Variants in TCIM observed in about 807,000 individuals in gnomAD.
TCIM encodes human thyroid cancer 1.
Under a neutral mutation model 7.0 loss-of-function variants are expected in TCIM, and 5 were observed. The ratio of observed to expected loss-of-function variants is 0.71; its 90% CI spans 0.37 to 1.50. TCIM has a LOEUF of 1.50. TCIM is among the 40% of genes most tolerant of loss of function. The probability of loss-of-function intolerance (pLI) is 0.03; values close to 1 mark genes in which losing one functional copy is unlikely to be tolerated. For missense variants in TCIM, 137 were observed against 129.7 expected (o/e 1.06, Z -0.27); for synonymous variants, 66 against 50.3 (o/e 1.31, Z -1.32).
rs759479875 is a variant in TCIM, at chr8:40,153,701, G to C, written c.169G>C (p.Asp57His). The C allele has an allele frequency of 1.2e-6, 2 of 1,614,128 alleles. No homozygotes were observed. Among genetic ancestry groups the C allele is most frequent in the South Asian group, 1.1e-5 (1 of 91,082 alleles). ...SLERLFRNSG[D>H]KKAEERAKII... is the part of the protein sequence containing the mutation. ...AGAAAGGCTCTTCAGAAACTCTGGA[G>C]ACAAGAAAGCAGAGGAGAGAGCCAA... The change falls in exon 1 of 1, where the codon GAC becomes CAC. Residue 57 changes from aspartate to histidine, a missense_variant. Transcript: ENST00000315792.
Position 40,154,295 on chromosome 8 carries a change from GAGGGAGGAC to G in TCIM, c.*449_*457del. Reference sequence around the variant, plus strand: ...AATAGATAGGGGAAGGGAGGAGGGAGAGGGAGGACAGGGAGAGAAAATACCATGCATAAA... The same window carrying G: ...AATAGATAGGGGAAGGGAGGAGGGAGAGGGAGAGAAAATACCATGCATAAA... On this transcript the variant is annotated 3_prime_UTR_variant, in exon 1 of 1. Transcript: ENST00000315792. 2.4e-6 allele frequency: 1 copy of G among 413,172 alleles called. No homozygotes were observed. Among genetic ancestry groups the G allele is most frequent in the Non-Finnish European group, 4.4e-6 (1 of 226,726 alleles). The allele number at this position is 413,172 out of a possible 1,614,324, so 25.6% of individuals were successfully genotyped here. A position where few individuals can be genotyped will look rare whatever the true frequency, so the allele number is the denominator to read the frequency against.
At position 40,155,186 on chromosome 8, in the gene TCIM, T is replaced by C. The variant is rs1428313866; in HGVS notation, c.*1333T>C. ...CAAGCAATATGTTTTGGGTTTAGAG[T>C]CTGAGTGATGACCAAGATTCTGTGT... is the stretch of plus-strand genomic sequence containing the variant. On this transcript the variant is annotated 3_prime_UTR_variant, in exon 1 of 1. Coordinates refer to ENST00000315792, the MANE Select transcript of TCIM (RefSeq NM_020130.5). The C allele has an allele frequency of 6.0e-6, 1 of 167,006 alleles. No individual in the cohort carries two copies. Among genetic ancestry groups the C allele is most frequent in the Non-Finnish European group, 1.5e-5 (1 of 68,100 alleles). 10.3% of individuals were successfully genotyped at this position (167,006 alleles called of 1,614,324 possible).
At position 40,153,563 on chromosome 8, in the gene TCIM, A is replaced by G. The variant is rs777667508; in HGVS notation, c.31A>G (p.Ile11Val). The change falls in exon 1 of 1, where the codon ATC becomes GTC. Residue 11 changes from isoleucine to valine, a missense_variant. By Grantham distance (29) the Ile-to-Val change is conservative. Transcript: ENST00000315792. The part of the protein sequence containing the change: MKAKRSHQAV[I>V]MSTSLRVSPS... ...AGCAAAGCGAAGCCACCAAGCCGTCATCATGTCCACGTCGCTACGAGTCAG... is the reference window on the plus strand; with the variant it reads ...AGCAAAGCGAAGCCACCAAGCCGTCGTCATGTCCACGTCGCTACGAGTCAG... 9 of 1,613,842 alleles carry G rather than the reference A, an allele frequency of 5.6e-6. No individual in the cohort carries two copies. The East Asian group carries it at 1.3e-4, about 24-fold the overall frequency.
Position 40,154,487 on chromosome 8 carries a change from G to C in TCIM, c.*634G>C, listed in dbSNP as rs576035293. ...ACATGGATGTTAAGTAGAAATTCAAGAAAGTAAGATGTCTTCAGCAACTCA... is the reference window on the plus strand; with the variant it reads ...ACATGGATGTTAAGTAGAAATTCAACAAAGTAAGATGTCTTCAGCAACTCA... On this transcript the variant is annotated 3_prime_UTR_variant, in exon 1 of 1. Coordinates refer to ENST00000315792, the MANE Select transcript of TCIM (RefSeq NM_020130.5). 1 of 303,220 alleles carries C rather than the reference G, an allele frequency of 3.3e-6. No homozygotes were observed. Among genetic ancestry groups the C allele is most frequent in the African/African-American group, 2.2e-5 (1 of 46,228 alleles). The allele number at this position is 303,220 out of a possible 1,614,324, so 18.8% of individuals were successfully genotyped here. A position where few individuals can be genotyped will look rare whatever the true frequency, so the allele number is the denominator to read the frequency against.
Position 40,153,552 on chromosome 8 carries a change from A to G in TCIM, c.20A>G (p.His7Arg). MKAKRSHQAVIMSTSLR... is the reference protein window; with the variant it reads MKAKRSRQAVIMSTSLR... ...ACATCGATGAAAGCAAAGCGAAGCC[A>G]CCAAGCCGTCATCATGTCCACGTCG... The change falls in exon 1 of 1, where the codon CAC (histidine) becomes CGC (arginine). Residue 7 changes from histidine (H) to arginine (R), a missense_variant. Coordinates refer to ENST00000315792, the MANE Select transcript of TCIM (RefSeq NM_020130.5). 6.2e-7 allele frequency: 1 copy of G among 1,612,866 alleles called. No homozygotes were observed. Among genetic ancestry groups the G allele is most frequent in the Non-Finnish European group, 8.5e-7 (1 of 1,179,252 alleles).
Position 40,153,907 on chromosome 8 carries a change from T to C in TCIM, c.*54T>C, listed in dbSNP as rs752901181. 1.0e-5 allele frequency: 15 copies of C among 1,458,158 alleles called. No individual in the cohort carries two copies. Among genetic ancestry groups the C allele is most frequent in the Non-Finnish European group, 9.4e-6 (10 of 1,068,550 alleles). The allele number at this position is 1,458,158 out of a possible 1,614,324, so 90.3% of individuals were successfully genotyped here. On this transcript the variant is annotated 3_prime_UTR_variant, in exon 1 of 1. Coordinates refer to ENST00000315792, the MANE Select transcript of TCIM (RefSeq NM_020130.5). ...CAAGAATGGACATTCAAAGACCAAG[T>C]GAGTTTGTGAGATTCTAACAGATGC...
In TCIM at chr8:40,153,522, T is replaced by G; in HGVS notation, c.-11T>G. The G allele has an allele frequency of 6.2e-7, 1 of 1,601,284 alleles. No homozygotes were observed. Among genetic ancestry groups the G allele is most frequent in the Non-Finnish European group, 8.5e-7 (1 of 1,173,072 alleles). On this transcript the variant is annotated 5_prime_UTR_variant, in exon 1 of 1. Transcript: ENST00000315792. ...AGCCTGGGAGCTGAATTCCGGAAGATCCCCACATCGATGAAAGCAAAGCGA... is the reference window on the plus strand; with the variant it reads ...AGCCTGGGAGCTGAATTCCGGAAGAGCCCCACATCGATGAAAGCAAAGCGA...
chr8:40,154,063 C>A lies in TCIM; in HGVS notation c.*210C>A. ...ACTCCAAACAATTTCATGCCCTGTG[C>A]TGTTACAGAGGAGAACAAAATGCTT... On this transcript the variant is annotated 3_prime_UTR_variant, in exon 1 of 1. Transcript: ENST00000315792. 1.7e-6 allele frequency: 1 copy of A among 580,618 alleles called. No individual in the cohort carries two copies. The highest frequency in any genetic ancestry group is 3.1e-6 in the Non-Finnish European group (1 of 321,892). The allele number at this position is 580,618 out of a possible 1,614,324, so 36.0% of individuals were successfully genotyped here.
chr8:40,153,755 G>C lies in TCIM; in HGVS notation c.223G>C (p.Glu75Gln), dbSNP rs1164441167. ...KIIFAIDQDV[E>Q]EKTRALMALK... Reference sequence around the variant, plus strand: ...CATTTTTGCCATAGATCAAGATGTGGAGGAGAAAACGCGTGCCCTGATGGC... The same window carrying C: ...CATTTTTGCCATAGATCAAGATGTGCAGGAGAAAACGCGTGCCCTGATGGC... Residue 75 changes from glutamate (E) to glutamine (Q), a missense_variant, in exon 1 of 1, where the codon GAG (glutamate) becomes CAG (glutamine). Glu to Gln is a conservative substitution (Grantham distance 29). Transcript: ENST00000315792. The C allele has an allele frequency of 1.1e-5, 18 of 1,614,134 alleles. No homozygotes were observed. The highest frequency in any genetic ancestry group is 1.5e-5 in the Non-Finnish European group (18 of 1,180,020).
chr8:40,154,593 G>C lies in TCIM; in HGVS notation c.*740G>C, dbSNP rs1462395878. 5.7e-6 allele frequency: 1 copy of C among 175,426 alleles called. No individual in the cohort carries two copies. The highest frequency in any genetic ancestry group is 2.4e-5 in the African/African-American group (1 of 41,650). 10.9% of individuals were successfully genotyped at this position (175,426 alleles called of 1,614,324 possible). On this transcript the variant is annotated 3_prime_UTR_variant, in exon 1 of 1. Coordinates refer to ENST00000315792, the MANE Select transcript of TCIM (RefSeq NM_020130.5). ...GGTTGCACAAAAGTTAAAATAATGG[G>C]GTCTTTTATAAATCCAAAGTACTGT...
Position 40,153,925 on chromosome 8 carries a change from A to G in TCIM, c.*72A>G. On this transcript the variant is annotated 3_prime_UTR_variant, in exon 1 of 1. Coordinates refer to ENST00000315792, the MANE Select transcript of TCIM (RefSeq NM_020130.5). ...GACCAAGTGAGTTTGTGAGATTCTA[A>G]CAGATGCAGCATTTTGCTGCTACCT... 1.5e-6 allele frequency: 2 copies of G among 1,365,428 alleles called. No homozygotes were observed. Among genetic ancestry groups the G allele is most frequent in the Non-Finnish European group, 2.0e-6 (2 of 990,042 alleles). 84.6% of individuals were successfully genotyped at this position (1,365,428 alleles called of 1,614,324 possible).
In TCIM at chr8:40,153,895, T is replaced by C; in HGVS notation, c.*42T>C. The C allele has an allele frequency of 6.6e-7, 1 of 1,522,520 alleles. No homozygotes were observed. Among genetic ancestry groups the C allele is most frequent in the Non-Finnish European group, 8.9e-7 (1 of 1,119,752 alleles). The allele number at this position is 1,522,520 out of a possible 1,614,324, so 94.3% of individuals were successfully genotyped here. Reference sequence around the variant, plus strand: ...AAGGACGTTATCCAAGAATGGACATTCAAAGACCAAGTGAGTTTGTGAGAT... The same window carrying C: ...AAGGACGTTATCCAAGAATGGACATCCAAAGACCAAGTGAGTTTGTGAGAT... On this transcript the variant is annotated 3_prime_UTR_variant, in exon 1 of 1. Coordinates refer to ENST00000315792, the MANE Select transcript of TCIM (RefSeq NM_020130.5).
rs1251887906 is a variant in TCIM, at chr8:40,154,911, T to G, written c.*1058T>G. The G allele has an allele frequency of 6.0e-6, 1 of 167,012 alleles. No homozygotes were observed. The highest frequency in any genetic ancestry group is 1.5e-5 in the Non-Finnish European group (1 of 68,104). The allele number at this position is 167,012 out of a possible 1,614,324, so 10.3% of individuals were successfully genotyped here. A position where few individuals can be genotyped will look rare whatever the true frequency, so the allele number is the denominator to read the frequency against. ...AAAGATGTGTCTCTAACAATAAAAG[T>G]TAATTTTAGAGTAGTTTTATATTAA... On this transcript the variant is annotated 3_prime_UTR_variant, in exon 1 of 1. Coordinates refer to ENST00000315792, the MANE Select transcript of TCIM (RefSeq NM_020130.5).
In TCIM at chr8:40,154,248, CTTT is replaced by C. The variant is rs10712630; in HGVS notation, c.*409_*411del. ...CCCTAGGACTTAAATCGAAGTTGAA[CTTT>C]TTTTTTTTTTTTTAACCAAATAGAT... On this transcript the variant is annotated 3_prime_UTR_variant, in exon 1 of 1. Coordinates refer to ENST00000315792, the MANE Select transcript of TCIM (RefSeq NM_020130.5). 2.4e-3 allele frequency: 922 copies of C among 385,054 alleles called. No individual in the cohort carries two copies. The highest frequency in any genetic ancestry group is 2.7e-3 in the Middle Eastern group (4 of 1,480). 23.9% of individuals were successfully genotyped at this position (385,054 alleles called of 1,614,324 possible). A position where few individuals can be genotyped will look rare whatever the true frequency, so the allele number is the denominator to read the frequency against.
chr8:40,153,728 A>G lies in TCIM; in HGVS notation c.196A>G (p.Ile66Val). ...CAAGAAAGCAGAGGAGAGAGCCAAG[A>G]TCATTTTTGCCATAGATCAAGATGT... ...GDKKAEERAK[I>V]IFAIDQDVEE... The change falls in exon 1 of 1, where the codon ATC (isoleucine) becomes GTC (valine). Residue 66 changes from isoleucine (I) to valine (V), a missense_variant. By Grantham distance (29) the Ile-to-Val change is conservative. Transcript: ENST00000315792. 6.2e-7 allele frequency: 1 copy of G among 1,614,174 alleles called. No homozygotes were observed. The highest frequency in any genetic ancestry group is 2.2e-5 in the East Asian group (1 of 44,886).
At position 40,153,881 on chromosome 8, in the gene TCIM, C is replaced by T. The variant is rs766327952; in HGVS notation, c.*28C>T. 6.4e-7 allele frequency: 1 copy of T among 1,566,370 alleles called. No individual in the cohort carries two copies. The highest frequency in any genetic ancestry group is 1.8e-5 in the Admixed American group (1 of 54,714). ...AGAAGAGGATGGATAAGGACGTTAT[C>T]CAAGAATGGACATTCAAAGACCAAG... On this transcript the variant is annotated 3_prime_UTR_variant, in exon 1 of 1. Transcript: ENST00000315792.
In TCIM at chr8:40,153,721, A is replaced by C. The variant is rs750203143; in HGVS notation, c.189A>C (p.Arg63Ser). 6.2e-7 allele frequency: 1 copy of C among 1,614,156 alleles called. No homozygotes were observed. Among genetic ancestry groups the C allele is most frequent in the South Asian group, 1.1e-5 (1 of 91,082 alleles). Residue 63 changes from arginine to serine, a missense_variant, in exon 1 of 1, where the codon AGA (arginine) becomes AGC (serine). Coordinates refer to ENST00000315792, the MANE Select transcript of TCIM (RefSeq NM_020130.5). ...CTGGAGACAAGAAAGCAGAGGAGAG[A>C]GCCAAGATCATTTTTGCCATAGATC... ...RNSGDKKAEE[R>S]AKIIFAIDQD...
In TCIM at chr8:40,154,937, T is replaced by A. The variant is rs1404944503; in HGVS notation, c.*1084T>A. 2 of 166,998 alleles carry A rather than the reference T, an allele frequency of 1.2e-5. No individual in the cohort carries two copies. The highest frequency in any genetic ancestry group is 3.8e-4 in the East Asian group (2 of 5,202). 10.3% of individuals were successfully genotyped at this position (166,998 alleles called of 1,614,324 possible). On this transcript the variant is annotated 3_prime_UTR_variant, in exon 1 of 1. Transcript: ENST00000315792. ...TAATTTTAGAGTAGTTTTATATTAA[T>A]TACCAAACTTTTTCAAAACAAATTC...
Position 40,153,745 on chromosome 8 carries a change from T to A in TCIM, c.213T>A (p.Asp71Glu). ...GAGCCAAGATCATTTTTGCCATAGA[T>A]CAAGATGTGGAGGAGAAAACGCGTG... Reference protein sequence around the residue: ...EERAKIIFAIDQDVEEKTRAL... With the variant: ...EERAKIIFAIEQDVEEKTRAL... The change falls in exon 1 of 1, where the codon GAT becomes GAA. Residue 71 changes from aspartate to glutamate, a missense_variant. Transcript: ENST00000315792. The A allele has an allele frequency of 6.2e-7, 1 of 1,614,012 alleles. No individual in the cohort carries two copies. Among genetic ancestry groups the A allele is most frequent in the Non-Finnish European group, 8.5e-7 (1 of 1,180,008 alleles).
Sources: gnomAD v4.1 joint callset for allele counts on GRCh38, gnomAD v4.1.1 for gene constraint, MANE v1.5 for transcripts, NCBI Gene and HGNC (gene_info 2026-07-23, HGNC 2026-07-21) for gene names.